The following MYOCD variants were observed in gnomAD, a reference collection of about 807,000 sequenced individuals.
MYOCD encodes myocardin.
Under a neutral mutation model 96.1 loss-of-function variants are expected in MYOCD, and 32 were observed. The ratio of observed to expected loss-of-function variants is 0.33; its 90% CI spans 0.25 to 0.45. The LOEUF (loss-of-function observed/expected upper bound fraction) is 0.45. MYOCD is among the 20% of genes least tolerant of loss of function. The pLI, the probability that MYOCD is intolerant of heterozygous loss-of-function variation, is 1.00. For missense variants in MYOCD, 1,133 were observed against 1,200.6 expected (o/e 0.94, Z 0.83); for synonymous variants, 469 against 469.0 (o/e 1.00, Z 0.00).
chr17:12,763,239 T>C lies in MYOCD; in HGVS notation c.2556T>C (p.Asp852=), dbSNP rs1244904616. The part of the protein sequence containing the change: ...IPFDPYATDS[D]EHLEVLLNSQ... ...TTGATCCCTATGCCACCGACAGTGA[T>C]GAGCATCTTGAAGTCTTATTAAATT... is the stretch of plus-strand genomic sequence containing the variant. The change falls in exon 14 of 14, where the codon GAT becomes GAC. Residue 852 remains aspartate (D), a synonymous_variant. Transcript: ENST00000425538. The C allele has an allele frequency of 6.2e-7, 1 of 1,614,098 alleles. No individual in the cohort carries two copies. Among genetic ancestry groups the C allele is most frequent in the Non-Finnish European group, 8.5e-7 (1 of 1,179,996 alleles).
chr17:12,747,295 G>T (rs2032694065), intron 9 of MYOCD, among the ~76,000 whole-genome samples: 1 of 152,118 alleles, frequency 6.6e-6, no homozygotes, highest in African/African-American at 2.4e-5. Context: ...GAGAGAACGT[G>T]GCTGGACTTG....
rs1261465623 is a variant in MYOCD at position 12,767,167 on chromosome 17, A to T, written c.*3523A>T. The stretch of plus-strand genomic sequence containing the variant: ...ATGAGAAGTAAATCAGAATTTTTTT[A>T]AGGAGAAGTCATTCTTAGCACTACA... On this transcript the variant is annotated 3_prime_UTR_variant, in exon 14 of 14. Coordinates refer to ENST00000425538, the MANE Select transcript of MYOCD (RefSeq NM_001146312.3). 1.3e-5 allele frequency: 2 copies of T among 152,190 alleles called. No individual in the cohort carries two copies. Among genetic ancestry groups the T allele is most frequent in the Admixed American group, 6.5e-5 (1 of 15,270 alleles). 9.4% of individuals were successfully genotyped at this position (152,190 alleles called of 1,614,324 possible).
intron 1 of MYOCD, among the ~76,000 whole-genome samples, chr17:12,683,027 C>G (rs1253053150): frequency 1.3e-5 from 2 of 152,154 alleles, no homozygotes; most frequent in Non-Finnish European, 1.5e-5. Context: ...GTATTAGCGA[C>G]TTGGGTGGAA....
intron 6 of MYOCD, among the ~76,000 whole-genome samples, chr17:12,737,338 G>A (rs1043807763): frequency 1.3e-5 from 2 of 152,198 alleles, no homozygotes; most frequent in African/African-American, 4.8e-5. Context: ...GCCAGGGGCA[G>A]TGCCAAGTGC....
chr17:12,727,590 G>GCT (rs2032036522), intron 5 of MYOCD, among the ~76,000 whole-genome samples: 1 of 152,094 alleles, frequency 6.6e-6, no homozygotes, highest in Admixed American at 6.5e-5. Context: ...ACATTTTCCA[G>GCT]CTCTCTCTGC....
chr17:12,749,552 G>A (rs1340359535), intron 9 of MYOCD, among the ~76,000 whole-genome samples: 1 of 138,334 alleles, frequency 7.2e-6, no homozygotes, highest in Non-Finnish European at 1.6e-5. Flanking sequence ...ATATATGTAT[G>A]TATATACATA....
At chr17:12,710,526 C>G in intron 2 of MYOCD, 4 of 985,016 alleles carry the variant, frequency 4.1e-6, no homozygotes, top group Non-Finnish European at 4.8e-6. Flanking sequence ...CACATACTTA[C>G]TGCAAAACCT....
intron 1 of MYOCD, among the ~76,000 whole-genome samples, chr17:12,694,881 C>CAAAAA (rs201215491): frequency 2.0e-3 from 136 of 69,508 alleles, no homozygotes; most frequent in South Asian, 2.9e-3. Flanking sequence ...AAGGAATAAC[C>CAAAAA]AAAAAAAAAA....
intron 9 of MYOCD, among the ~76,000 whole-genome samples, chr17:12,750,873 C>T (rs1472607309): frequency 2.6e-5 from 4 of 152,074 alleles, no homozygotes; most frequent in Non-Finnish European, 5.9e-5. Context: ...AAAGCTGGAT[C>T]ATATATCCCT....
intron 1 of MYOCD, among the ~76,000 whole-genome samples, chr17:12,699,139 T>A (rs1034436337): frequency 1.8e-4 from 28 of 151,582 alleles, no homozygotes; most frequent in African/African-American, 4.6e-4. Flanking sequence ...ATATATATAT[T>A]TTTTGAGACA....
chr17:12,738,516 C>T (rs1399249775), intron 6 of MYOCD, among the ~76,000 whole-genome samples: 1 of 152,036 alleles, frequency 6.6e-6, no homozygotes, highest in African/African-American at 2.4e-5. Context: ...CATATACATG[C>T]CTGTGTGCAC....
intron 7 of MYOCD, 128 bp downstream of exon 7, chr17:12,739,456 G>A: frequency 9.1e-7 from 1 of 1,104,706 alleles, no homozygotes; most frequent in Non-Finnish European, 1.2e-6. Context: ...CAGAGGTTCA[G>A]CTCACTAGGA....
intron 1 of MYOCD, 90 bp downstream of exon 1, chr17:12,666,333 C>A: frequency 1.0e-6 from 1 of 982,754 alleles, no homozygotes; most frequent in Non-Finnish European, 1.6e-6. Context: ...TGTTTCAAAG[C>A]CTGCCAGGTC....
chr17:12,736,456 G>C (rs1305864090), intron 6 of MYOCD, 120 bp downstream of exon 6: 30 of 1,002,666 alleles, frequency 3.0e-5, no homozygotes, highest in East Asian at 2.6e-5. Flanking sequence ...AGATGTCCCT[G>C]GCTGCCACAG....
At chr17:12,684,084 ATC>A (rs893698134) in intron 1 of MYOCD, among the ~76,000 whole-genome samples, 3 of 152,080 alleles carry the variant, frequency 2.0e-5, no homozygotes, top group African/African-American at 7.2e-5. Context: ...TCTAATTCAC[ATC>A]TCTCTCTTTC....
Position 12,746,213 on chromosome 17 carries a change from A to T in MYOCD, c.1125+141A>T, listed in dbSNP as rs1336460094. On this transcript the variant is annotated intron_variant, in intron 9 of 13. Transcript: ENST00000425538. ...TAGGAAACACTGAAGGAGGTGACAGAATTTATCCTGCTGTGGTTGAACACC... is the reference window on the plus strand; with the variant it reads ...TAGGAAACACTGAAGGAGGTGACAGTATTTATCCTGCTGTGGTTGAACACC... 5.5e-6 allele frequency: 5 copies of T among 902,906 alleles called. No homozygotes were observed. In the South Asian group the frequency reaches 8.8e-5, roughly 16 times the overall value. The allele number at this position is 902,906 out of a possible 1,614,324, so 55.9% of individuals were successfully genotyped here.
chr17:12,721,940 C>G (rs1318937135), intron 4 of MYOCD, among the ~76,000 whole-genome samples: 1 of 152,112 alleles, frequency 6.6e-6, no homozygotes, highest in Non-Finnish European at 1.5e-5. Context: ...CACAGCCAAG[C>G]CTGTGGCAAC....
chr17:12,700,228 C>T (rs1487684877), intron 1 of MYOCD, among the ~76,000 whole-genome samples: 1 of 151,462 alleles, frequency 6.6e-6, no homozygotes, highest in East Asian at 2.0e-4. Flanking sequence ...ATATTTCTAT[C>T]CTCCTTCATG....
intron 5 of MYOCD, among the ~76,000 whole-genome samples, chr17:12,729,983 C>A (rs1415462571): frequency 1.3e-5 from 2 of 151,864 alleles, no homozygotes; most frequent in African/African-American, 4.8e-5. Context: ...CTCATCTTTA[C>A]AAAAAAATTT....
Sources: allele counts gnomAD v4.1 joint callset (sites outside exome capture counted in the v4.1 genomes callset), GRCh38; gene constraint gnomAD v4.1.1; transcripts MANE v1.5; gene names NCBI Gene and HGNC (gene_info 2026-07-23, HGNC 2026-07-21).